Variants in PCNX4 observed in about 807,000 individuals in gnomAD.
The protein encoded by PCNX4 is pecanex 4.
In PCNX4, 103 loss-of-function variants were observed where a neutral mutation model predicts 107.2. The ratio of observed to expected loss-of-function variants is 0.96; its 90% confidence interval spans 0.82 to 1.13. The LOEUF (loss-of-function observed/expected upper bound fraction) is 1.13. Ranked by LOEUF, PCNX4 falls within the 50% of genes most tolerant of loss-of-function variation. PCNX4 has a pLI of 0.00. For synonymous variants in PCNX4, 541 were observed against 481.7 expected (o/e 1.12, Z -1.61); for missense variants, 1,528 against 1,379.4 (o/e 1.11, Z -1.71).
chr14:60,134,511 A>ATTTTGTAATGC lies in PCNX4; in HGVS notation c.*294_*304dup, dbSNP rs1896212985. The ATTTTGTAATGC allele has an allele frequency of 9.2e-6, 3 of 326,094 alleles. No homozygotes were observed. In the South Asian group the frequency reaches 1.6e-4, roughly 18 times the overall value. 20.2% of individuals were successfully genotyped at this position (326,094 alleles called of 1,614,324 possible). A position where few individuals can be genotyped will look rare whatever the true frequency, so the allele number is the denominator to read the frequency against. ...CTTTTGTAGAATTATCATATAATGA[A>ATTTTGTAATGC]TTTTGTAATGCTTTCTTAAATGTGT... is the stretch of plus-strand genomic sequence containing the variant. On this transcript the variant is annotated 3_prime_UTR_variant, in exon 11 of 11. Coordinates refer to ENST00000406854, the MANE Select transcript of PCNX4 (RefSeq NM_001330177.2).
chr14:60,098,522 G>A (rs763202626), intron 1 of PCNX4, among the ~76,000 whole-genome samples: 4 of 152,196 alleles, frequency 2.6e-5, no homozygotes, highest in Non-Finnish European at 4.4e-5. Flanking sequence ...AGATGTTAAC[G>A]TGCTTGTTCC....
In PCNX4 at chr14:60,115,989, A is replaced by G. The variant is rs779780276; in HGVS notation, c.1507A>G (p.Thr503Ala). 1.1e-5 allele frequency: 17 copies of G among 1,612,710 alleles called. No individual in the cohort carries two copies. Among genetic ancestry groups the G allele is most frequent in the South Asian group, 9.9e-5 (9 of 90,846 alleles). ...NALLETVIVS[T>A]VHLISSTDIW... ...TTTATTGGAGACAGTCATTGTATCA[A>G]CAGTACACTTGATCTCCAGTACAGA... Residue 503 changes from threonine to alanine, a missense_variant, in exon 6 of 11, where the codon ACA becomes GCA. By Grantham distance (58) the Thr-to-Ala change is moderately conservative (BLOSUM62 0). Coordinates refer to ENST00000406854, the MANE Select transcript of PCNX4 (RefSeq NM_001330177.2).
In PCNX4 at chr14:60,141,130, C is replaced by T. The variant is rs1284365957; in HGVS notation, c.*6909C>T. ...TCTCCAAAAGCCAGATAGCCAACCC[C>T]ATGTGTCTCCAAGAGCTGTCTCCTA... On this transcript the variant is annotated 3_prime_UTR_variant, in exon 11 of 11. Coordinates refer to ENST00000406854, the MANE Select transcript of PCNX4 (RefSeq NM_001330177.2). 1 of 152,246 alleles carries T rather than the reference C, an allele frequency of 6.6e-6. No homozygotes were observed. The highest frequency in any genetic ancestry group is 2.4e-5 in the African/African-American group (1 of 41,468). The allele number at this position is 152,246 out of a possible 1,614,324, so 9.4% of individuals were successfully genotyped here. A position where few individuals can be genotyped will look rare whatever the true frequency, so the allele number is the denominator to read the frequency against.
At chr14:60,132,421 C>T (rs1896170732) in intron 10 of PCNX4, among the ~76,000 whole-genome samples, 1 of 152,008 alleles carries the variant, frequency 6.6e-6, no homozygotes, top group Non-Finnish European at 1.5e-5. Context: ...TTATTTAACC[C>T]ACTACAGACC....
intron 1 of PCNX4, among the ~76,000 whole-genome samples, chr14:60,104,685 G>T (rs1057268269): frequency 6.6e-6 from 1 of 152,188 alleles, no homozygotes; most frequent in Non-Finnish European, 1.5e-5. Context: ...AATCAGAACC[G>T]AGTGGAAGGG....
At position 60,107,871 on chromosome 14, in the gene PCNX4, G is replaced by A; in HGVS notation, c.233G>A (p.Gly78Glu). Residue 78 changes from glycine (G) to glutamate (E), a missense_variant, in exon 2 of 11, where the codon GGA becomes GAA. Physicochemically the swap from Gly to Glu is moderately conservative, Grantham distance 98. Coordinates refer to ENST00000406854, the MANE Select transcript of PCNX4 (RefSeq NM_001330177.2). ...KDYYTAALSG[G>E]LMLFTAFVIQ... is the part of the protein sequence containing the mutation. The stretch of plus-strand genomic sequence containing the variant: ...TATTATACAGCAGCACTTTCAGGTG[G>A]ATTAATGCTTTTTACTGCATTTGTC... The A allele has an allele frequency of 6.2e-7, 1 of 1,612,856 alleles. No individual in the cohort carries two copies. Among genetic ancestry groups the A allele is most frequent in the Non-Finnish European group, 8.5e-7 (1 of 1,179,890 alleles).
chr14:60,134,132 C>G lies in PCNX4; in HGVS notation c.3430C>G (p.Leu1144Val), dbSNP rs765854332. ...TTATAGTATACAAGCTCATCCACTA[C>G]TTTTAAGAAATCTTACGGTACAAGC... ...ERYSIQAHPLLLRNLTVQAAE... is the reference protein window; with the variant it reads ...ERYSIQAHPLVLRNLTVQAAE... The change falls in exon 11 of 11, where the codon CTT (leucine) becomes GTT (valine). Residue 1144 changes from leucine (L) to valine (V), a missense_variant. By Grantham distance (32) the Leu-to-Val change is conservative. Transcript: ENST00000406854. The G allele has an allele frequency of 1.2e-5, 20 of 1,613,850 alleles. No individual in the cohort carries two copies. The highest frequency in any genetic ancestry group is 1.2e-4 in the Admixed American group (7 of 60,022).
At chr14:60,125,395 G>A in intron 9 of PCNX4, 144 bp downstream of exon 9, 2 of 973,214 alleles carry the variant, frequency 2.1e-6, no homozygotes, top group Non-Finnish European at 2.9e-6. Flanking sequence ...CATGTGTAGT[G>A]TGATTGTATC....
chr14:60,114,007 T>A (rs998432148), intron 2 of PCNX4, among the ~76,000 whole-genome samples: 2 of 152,180 alleles, frequency 1.3e-5, no homozygotes, highest in Non-Finnish European at 2.9e-5. Context: ...GTGTGCAAGT[T>A]TGTGTTCTCA....
intron 1 of PCNX4, among the ~76,000 whole-genome samples, chr14:60,106,014 A>G (rs538531412): frequency 3.9e-5 from 6 of 152,298 alleles, no homozygotes; most frequent in African/African-American, 1.4e-4. Context: ...ATTGGCTTCT[A>G]TAAGACAATT....
intron 10 of PCNX4, among the ~76,000 whole-genome samples, chr14:60,129,382 C>T (rs907895323): frequency 1.3e-5 from 2 of 151,946 alleles, no homozygotes; most frequent in African/African-American, 4.8e-5. Context: ...AGCAAGAGCC[C>T]ATCTCTACAA....
At chr14:60,113,167 G>A (rs1190677574) in intron 2 of PCNX4, among the ~76,000 whole-genome samples, 1 of 152,308 alleles carries the variant, frequency 6.6e-6, no homozygotes, top group Non-Finnish European at 1.5e-5. Flanking sequence ...GGGACAGAGC[G>A]AGACTCCGTC....
intron 1 of PCNX4, among the ~76,000 whole-genome samples, chr14:60,093,090 C>G (rs759311698): frequency 4.6e-5 from 7 of 152,206 alleles, no homozygotes; most frequent in Non-Finnish European, 7.3e-5. Context: ...TCAGATGTTG[C>G]CTTTTCACGA....
In PCNX4 at chr14:60,145,158, AGAATT is replaced by A; in HGVS notation, c.*10938_*10942del. The A allele has an allele frequency of 1.8e-6, 1 of 547,818 alleles. No homozygotes were observed. Among genetic ancestry groups the A allele is most frequent in the East Asian group, 3.2e-5 (1 of 31,622 alleles). 33.9% of individuals were successfully genotyped at this position (547,818 alleles called of 1,614,324 possible). A position where few individuals can be genotyped will look rare whatever the true frequency, so the allele number is the denominator to read the frequency against. On this transcript the variant is annotated 3_prime_UTR_variant, in exon 11 of 11. Coordinates refer to ENST00000406854, the MANE Select transcript of PCNX4 (RefSeq NM_001330177.2). This position sits in a 1 kb window ranked among gnomAD's most constrained non-coding sequence, Gnocchi z 4.0. Reference sequence around the variant, plus strand: ...CAAAAGTTCAGAAACTGCTTAAATTAGAATTTAAAAATCATAGCCAAAATTCTAGA... The same window carrying A: ...CAAAAGTTCAGAAACTGCTTAAATTATAAAAATCATAGCCAAAATTCTAGA...
rs891068482 is a variant in PCNX4, at chr14:60,140,069, G to A, written c.*5848G>A. On this transcript the variant is annotated 3_prime_UTR_variant, in exon 11 of 11. Coordinates refer to ENST00000406854, the MANE Select transcript of PCNX4 (RefSeq NM_001330177.2). The surrounding 1 kb of genome is among the most constrained non-coding windows in gnomAD (Gnocchi z 4.2). ...AAGAATTAATGGAGTAGAAAATGAAGATAAAGTGGATCAACTAAGCCAAAA... is the reference window on the plus strand; with the variant it reads ...AAGAATTAATGGAGTAGAAAATGAAAATAAAGTGGATCAACTAAGCCAAAA... The A allele has an allele frequency of 6.6e-6, 1 of 151,928 alleles. No individual in the cohort carries two copies. Among genetic ancestry groups the A allele is most frequent in the Non-Finnish European group, 1.5e-5 (1 of 67,952 alleles). The allele number at this position is 151,928 out of a possible 1,614,324, so 9.4% of individuals were successfully genotyped here. A position where few individuals can be genotyped will look rare whatever the true frequency, so the allele number is the denominator to read the frequency against.
intron 1 of PCNX4, among the ~76,000 whole-genome samples, chr14:60,097,837 A>T (rs192150904): frequency 6.6e-6 from 1 of 152,308 alleles, no homozygotes; most frequent in East Asian, 1.9e-4. Flanking sequence ...CATTTCACAC[A>T]CAACTACCCA....
intron 1 of PCNX4, among the ~76,000 whole-genome samples, chr14:60,093,256 C>A (rs1895345332): frequency 6.6e-6 from 1 of 152,148 alleles, no homozygotes; most frequent in Non-Finnish European, 1.5e-5. Flanking sequence ...ACAATTCACC[C>A]ATTTATAGAA....
Position 60,115,314 on chromosome 14 carries a change from ATACT to A in PCNX4, c.1213_1216del (p.Leu405GlufsTer24). 1 of 1,607,838 alleles carries A rather than the reference ATACT, an allele frequency of 6.2e-7. No individual in the cohort carries two copies. Among genetic ancestry groups the A allele is most frequent in the Non-Finnish European group, 8.5e-7 (1 of 1,175,634 alleles). ...GATGATATTACTTATAATACTGTGGATACTTAGAGAAATTCAAAGCGTATATATC... is the reference window on the plus strand; with the variant it reads ...GATGATATTACTTATAATACTGTGGATAGAGAAATTCAAAGCGTATATATC... On this transcript the variant is annotated frameshift_variant, in exon 4 of 11. Transcript: ENST00000406854. LOFTEE classifies it high-confidence loss of function.
In PCNX4 at chr14:60,094,064, A is replaced by C. The variant is rs146868945; in HGVS notation, c.-54+1645A>C. On this transcript the variant is annotated intron_variant, in intron 1 of 10. Transcript: ENST00000406854. ...AGATTGGATTATTTGATTTCTCATT[A>C]TTGAATTGTAAGAGTTCTTTATATA... is the stretch of plus-strand genomic sequence containing the variant. 5.2e-3 allele frequency among the ~76,000 whole-genome samples: 799 copies of C among 152,264 alleles called. 6 individuals carry two copies. Among genetic ancestry groups the C allele is most frequent in the African/African-American group, 0.018 (760 of 41,546 alleles).
Sources: gnomAD v4.1 joint callset for allele counts (sites outside exome capture counted in the v4.1 genomes callset) on GRCh38, gnomAD v4.1.1 for gene constraint, Gnocchi (gnomAD v3.1) non-coding constraint, MANE v1.5 for transcripts, NCBI Gene and HGNC (gene_info 2026-07-23, HGNC 2026-07-21) for gene names.